RIMS1: variants seen among roughly 807,000 people sequenced by gnomAD.
The protein encoded by RIMS1 is regulating synaptic membrane exocytosis 1.
In RIMS1, 83 loss-of-function variants were observed where a neutral mutation model predicts 214.1. The ratio of observed to expected loss-of-function variants is 0.39; its 90% CI spans 0.32 to 0.47. RIMS1 has a LOEUF of 0.47. Among genes scored for constraint, RIMS1 ranks in the 20% least tolerant of loss-of-function variants. The pLI is 0.99. For synonymous variants in RIMS1, 793 were observed against 786.8 expected, an observed-to-expected ratio of 1.01 and a Z score of -0.13; for missense variants, 2,050 against 2,161.8, an observed-to-expected ratio of 0.95 and a Z score of 1.03.
chr6:71,938,544 CT>C (rs1217639152), intron 1 of RIMS1, among the ~76,000 whole-genome samples: 2 of 152,190 alleles, frequency 1.3e-5, no homozygotes, highest in Non-Finnish European at 2.9e-5. Flanking sequence ...TGGCTTGTAT[CT>C]TCCAGAGTGG....
chr6:72,026,469 C>CT (rs1158041462), intron 2 of RIMS1, among the ~76,000 whole-genome samples: 17 of 106,660 alleles, frequency 1.6e-4, no homozygotes, highest in East Asian at 3.4e-4. Context: ...CCCCCCCCAA[C>CT]TTTTTTTTTT....
At chr6:72,242,855 C>T (rs1056953313) in intron 10 of RIMS1, among the ~76,000 whole-genome samples, 5 of 151,718 alleles carry the variant, frequency 3.3e-5, no homozygotes, top group South Asian at 2.1e-4. Flanking sequence ...TATTATTCTA[C>T]GAAAGAATAA....
At chr6:72,109,797 A>G (rs1280311038) in intron 4 of RIMS1, among the ~76,000 whole-genome samples, 1 of 152,114 alleles carries the variant, frequency 6.6e-6, no homozygotes. Context: ...CCTGAATGGT[A>G]ATGCCTAGGT....
chr6:71,927,283 T>A (rs1416393379), intron 1 of RIMS1, among the ~76,000 whole-genome samples: 1 of 152,212 alleles, frequency 6.6e-6, no homozygotes, highest in Admixed American at 6.5e-5. Flanking sequence ...AGAGTTACTC[T>A]GAAGGATAAA....
At chr6:71,998,484 T>C (rs940991798) in intron 2 of RIMS1, among the ~76,000 whole-genome samples, 2 of 152,116 alleles carry the variant, frequency 1.3e-5, no homozygotes, top group African/African-American at 4.8e-5. Flanking sequence ...TCTCCTCCAT[T>C]AGAATGTAAA....
intron 19 of RIMS1, chr6:72,263,347 C>T: frequency 1.0e-6 from 1 of 984,910 alleles, no homozygotes; most frequent in Non-Finnish European, 1.2e-6. Context: ...CCTACTGTGT[C>T]CTAAATATTG....
chr6:71,986,772 G>A (rs1204597549), intron 2 of RIMS1, among the ~76,000 whole-genome samples: 1 of 152,224 alleles, frequency 6.6e-6, no homozygotes, highest in African/African-American at 2.4e-5. Context: ...GTCCAGTGTG[G>A]GCATTGCCAT....
At chr6:72,169,710 C>A (rs552291199) in intron 4 of RIMS1, among the ~76,000 whole-genome samples, 5 of 152,186 alleles carry the variant, frequency 3.3e-5, no homozygotes, top group African/African-American at 1.2e-4. Context: ...TCAAGACCAG[C>A]CTGGGCAACA....
chr6:72,014,362 T>C (rs900986796), intron 2 of RIMS1, among the ~76,000 whole-genome samples: 2 of 152,236 alleles, frequency 1.3e-5, no homozygotes, highest in Admixed American at 6.5e-5. Flanking sequence ...GAGATTTGGG[T>C]GGGACACCGC....
In RIMS1 at chr6:72,261,484, A is replaced by G. The variant is rs903210670; in HGVS notation, c.3116+717A>G. ...TTAATCTCATTACATCTTTAATTTC[A>G]TATCCAAGTAAAACTTCTTACAGAT... is the stretch of plus-strand genomic sequence containing the variant. On this transcript the variant is annotated intron_variant, in intron 19 of 33. Transcript: ENST00000521978. 8 of 964,116 alleles carry G rather than the reference A, an allele frequency of 8.3e-6. No individual in the cohort carries two copies. The African/African-American group carries it at 8.8e-5, about 11-fold the overall frequency. The allele number at this position is 964,116 out of a possible 1,614,324, so 59.7% of individuals were successfully genotyped here.
intron 16 of RIMS1, among the ~76,000 whole-genome samples, chr6:72,253,875 T>A (rs1333739330): frequency 1.3e-5 from 2 of 152,150 alleles, no homozygotes; most frequent in Admixed American, 1.3e-4. Context: ...ATTTATTTAT[T>A]TATTTATTTG....
rs199945462 is a variant in RIMS1, at chr6:72,290,379, TAAAAC to T, written c.3555-276_3555-272del. On this transcript the variant is annotated intron_variant, in intron 24 of 33. Transcript: ENST00000521978. ...TGTAAGCACTTGAGATACAGCTCTA[TAAAAC>T]AAAACAAAACAAAACAAAACAAACA... Among the ~76,000 whole-genome samples, 459 of 152,144 alleles carry T rather than the reference TAAAAC, an allele frequency of 3.0e-3. 4 individuals carry two copies. The highest frequency in any genetic ancestry group is 0.02 in the Admixed American group (308 of 15,264).
At chr6:71,899,484 A>G (rs1449033692) in intron 1 of RIMS1, among the ~76,000 whole-genome samples, 1 of 151,910 alleles carries the variant, frequency 6.6e-6, no homozygotes, top group East Asian at 1.9e-4. Flanking sequence ...ATACACACAC[A>G]CACACAAACA....
intron 1 of RIMS1, among the ~76,000 whole-genome samples, chr6:71,964,566 G>A (rs1243213831): frequency 6.6e-6 from 1 of 152,086 alleles, no homozygotes; most frequent in African/African-American, 2.4e-5. Flanking sequence ...TCTGGTATTA[G>A]GACACAGGAT....
At chr6:71,956,853 G>A (rs1791453960) in intron 1 of RIMS1, among the ~76,000 whole-genome samples, 1 of 152,120 alleles carries the variant, frequency 6.6e-6, no homozygotes, top group Non-Finnish European at 1.5e-5. Context: ...GAACACATTA[G>A]AGTCACCCAG....
At chr6:72,265,929 T>G in intron 21 of RIMS1, 31 bp from the exon 22 acceptor site, 1 of 1,465,462 alleles carries the variant, frequency 6.8e-7, no homozygotes, top group Non-Finnish European at 9.4e-7. Context: ...GTCTTTCTCT[T>G]CTACCACTGG....
chr6:72,022,121 TG>T (rs1814887367), intron 2 of RIMS1, among the ~76,000 whole-genome samples: 1 of 152,178 alleles, frequency 6.6e-6, no homozygotes, highest in Non-Finnish European at 1.5e-5. Context: ...AAAAGAACTA[TG>T]AAGTGTTAAT....
Position 72,245,957 on chromosome 6 carries a change from G to T in RIMS1, c.2128+96G>T, listed in dbSNP as rs1037041022. 5.2e-5 allele frequency: 45 copies of T among 857,618 alleles called. No homozygotes were observed. The South Asian group carries it at 6.2e-4, about 12-fold the overall frequency. 53.1% of individuals were successfully genotyped at this position (857,618 alleles called of 1,614,324 possible). A position where few individuals can be genotyped will look rare whatever the true frequency, so the allele number is the denominator to read the frequency against. ...TAGTTATTTGATATAATGAATTGGG[G>T]TTACTATACTAAAGATGTCTCCATT... On this transcript the variant is annotated intron_variant, in intron 11 of 33. Transcript: ENST00000521978.
At chr6:72,387,576 A>G (rs2098634972) in intron 29 of RIMS1, among the ~76,000 whole-genome samples, 1 of 152,266 alleles carries the variant, frequency 6.6e-6, no homozygotes, top group African/African-American at 2.4e-5. Context: ...AACAGCATTT[A>G]CAATGGCCAT....
Sources: gnomAD v4.1 joint callset for allele counts (sites outside exome capture counted in the v4.1 genomes callset) on GRCh38, gnomAD v4.1.1 for gene constraint, MANE v1.5 for transcripts, NCBI Gene and HGNC (gene_info 2026-07-23, HGNC 2026-07-21) for gene names.